SHISA6: variants seen among roughly 807,000 people sequenced by gnomAD.
SHISA6 encodes shisa family member 6, also known as protein shisa-6.
In SHISA6, 22 loss-of-function variants were observed where a neutral mutation model predicts 47.9. That is an observed-to-expected ratio of 0.46 (90% CI 0.33 to 0.66). The LOEUF (loss-of-function observed/expected upper bound fraction) is 0.66. SHISA6 is among the 30% of genes least tolerant of loss of function. The pLI, the probability that SHISA6 is intolerant of heterozygous loss-of-function variation, is 0.02. For missense variants in SHISA6, 680 were observed against 764.6 expected (o/e 0.89, Z 1.30); for synonymous variants, 388 against 337.8 (o/e 1.15, Z -1.63).
intron 3 of SHISA6, among the ~76,000 whole-genome samples, chr17:11,480,984 A>G (rs1916197289): frequency 6.6e-6 from 1 of 152,218 alleles, no homozygotes; most frequent in Non-Finnish European, 1.5e-5. Context: ...AAGTAATCTT[A>G]AAGATATTTA....
At chr17:11,444,205 AC>A (rs1434897107) in intron 3 of SHISA6, among the ~76,000 whole-genome samples, 3 of 152,082 alleles carry the variant, frequency 2.0e-5, no homozygotes, top group Non-Finnish European at 4.4e-5. Context: ...TGTAGTCCCC[AC>A]TACTCAGGAG....
Position 11,532,955 on chromosome 17 carries a change from G to A in SHISA6, c.896-18941G>A, listed in dbSNP as rs75600074. 1.6e-4 allele frequency among the ~76,000 whole-genome samples: 25 copies of A among 152,168 alleles called. No homozygotes were observed. The East Asian group carries it at 4.3e-3, about 26-fold the overall frequency. Reference sequence around the variant, plus strand: ...AGTTTCCTCCCTTTCCACTCCCAGAGAACTTCTCAGGGATCTGGCAGACTG... The same window carrying A: ...AGTTTCCTCCCTTTCCACTCCCAGAAAACTTCTCAGGGATCTGGCAGACTG... On this transcript the variant is annotated intron_variant, in intron 3 of 5. Coordinates refer to ENST00000441885, the MANE Select transcript of SHISA6 (RefSeq NM_207386.4).
intron 3 of SHISA6, among the ~76,000 whole-genome samples, chr17:11,463,108 A>T (rs1915731151): frequency 6.6e-6 from 1 of 152,234 alleles, no homozygotes; most frequent in Admixed American, 6.5e-5. Context: ...ACAGTTTACC[A>T]GGCAAGAGTA....
chr17:11,252,601 G>T (rs1907857221), intron 1 of SHISA6, among the ~76,000 whole-genome samples: 1 of 152,156 alleles, frequency 6.6e-6, no homozygotes, highest in African/African-American at 2.4e-5. Flanking sequence ...TAGGAGTCAG[G>T]CAGGTTGGTG....
intron 3 of SHISA6, among the ~76,000 whole-genome samples, chr17:11,434,661 C>T (rs1005140470): frequency 6.6e-6 from 1 of 152,180 alleles, no homozygotes; most frequent in African/African-American, 2.4e-5. Context: ...ACAAGAGAGA[C>T]TTACATAAGA....
chr17:11,276,932 C>A (rs1402125142), intron 2 of SHISA6, among the ~76,000 whole-genome samples: 1 of 152,106 alleles, frequency 6.6e-6, no homozygotes, highest in Non-Finnish European at 1.5e-5. Context: ...ATACTAATAT[C>A]TAAAGGAGAG....
intron 2 of SHISA6, among the ~76,000 whole-genome samples, chr17:11,328,206 C>G (rs906881910): frequency 1.3e-5 from 2 of 152,126 alleles, no homozygotes; most frequent in Non-Finnish European, 2.9e-5. Context: ...GTCCTGGACT[C>G]GGGCCACACA....
chr17:11,496,758 A>AG (rs2071412555), intron 3 of SHISA6, among the ~76,000 whole-genome samples: 1 of 151,920 alleles, frequency 6.6e-6, no homozygotes, highest in Non-Finnish European at 1.5e-5. Flanking sequence ...GAAAAAAAAA[A>AG]AAAAGAATGG....
chr17:11,505,026 T>A (rs1399677947), intron 3 of SHISA6, among the ~76,000 whole-genome samples: 6 of 152,192 alleles, frequency 3.9e-5, no homozygotes, highest in Non-Finnish European at 8.8e-5. Flanking sequence ...CTTCCACATC[T>A]CTTCTTTAAC....
At chr17:11,430,431 C>T (rs913794664) in intron 3 of SHISA6, among the ~76,000 whole-genome samples, 3 of 152,198 alleles carry the variant, frequency 2.0e-5, no homozygotes, top group African/African-American at 7.2e-5. Flanking sequence ...TCAACAGATG[C>T]TCCCATCCTG....
At chr17:11,440,294 A>G (rs1469533312) in intron 3 of SHISA6, among the ~76,000 whole-genome samples, 1 of 152,292 alleles carries the variant, frequency 6.6e-6, no homozygotes, top group Non-Finnish European at 1.5e-5. Flanking sequence ...TTAGCCAACA[A>G]TGAAAGCCAT....
At chr17:11,307,110 A>ATATT (rs532972876) in intron 2 of SHISA6, among the ~76,000 whole-genome samples, 463 of 148,506 alleles carry the variant, frequency 3.1e-3, no homozygotes, top group Middle Eastern at 0.01. Flanking sequence ...ACAGTGCCAT[A>ATATT]TATTTATTTA....
At chr17:11,378,360 C>T (rs1426364716) in intron 2 of SHISA6, among the ~76,000 whole-genome samples, 5 of 152,196 alleles carry the variant, frequency 3.3e-5, no homozygotes, top group African/African-American at 7.2e-5. Context: ...CGCACATGCA[C>T]GCACTGGTTT....
chr17:11,317,860 A>G (rs1910576949), intron 2 of SHISA6, among the ~76,000 whole-genome samples: 2 of 67,612 alleles, frequency 3.0e-5, no homozygotes. Context: ...CTTTTTGTTA[A>G]CTTTTTTTAT....
chr17:11,341,328 CTTTTTTTT>C (rs71367322), intron 2 of SHISA6, among the ~76,000 whole-genome samples: 18 of 88,818 alleles, frequency 2.0e-4, no homozygotes, highest in South Asian at 4.9e-4. Context: ...CTCTCTCTCT[CTTTTTTTT>C]TTTTTTTTTT....
At chr17:11,282,512 T>C (rs1909157695) in intron 2 of SHISA6, among the ~76,000 whole-genome samples, 1 of 152,172 alleles carries the variant, frequency 6.6e-6, no homozygotes, top group Admixed American at 6.5e-5. Context: ...ACTCATCATT[T>C]ACATTAGGTA....
chr17:11,265,388 C>G (rs966665944), intron 2 of SHISA6, among the ~76,000 whole-genome samples: 2 of 152,138 alleles, frequency 1.3e-5, no homozygotes, highest in Admixed American at 1.3e-4. Flanking sequence ...GCCCCATCCC[C>G]AGAGACTGAC....
chr17:11,310,818 CA>C (rs1473070354), intron 2 of SHISA6, among the ~76,000 whole-genome samples: 1 of 150,980 alleles, frequency 6.6e-6, no homozygotes. Context: ...ACTAAAAATA[CA>C]AAAATTAGGC....
chr17:11,398,902 T>TCCAA, intron 3 of SHISA6, among the ~76,000 whole-genome samples: 1 of 152,094 alleles, frequency 6.6e-6, no homozygotes, highest in Admixed American at 6.6e-5. Context: ...CAATAGTACT[T>TCCAA]TTGATCATTC....
Sources: allele counts gnomAD v4.1 joint callset (sites outside exome capture counted in the v4.1 genomes callset), GRCh38; gene constraint gnomAD v4.1.1; transcripts MANE v1.5; gene names NCBI Gene and HGNC (gene_info 2026-07-23, HGNC 2026-07-21).